The following RBFOX1 variants were observed in gnomAD, a reference collection of about 807,000 sequenced individuals.
RBFOX1 encodes the protein RNA binding protein fox-1 homolog 1.
A neutral mutation model predicts 57.7 loss-of-function variants in RBFOX1; 8 were observed. The observed-to-expected ratio is 0.14, with a 90% CI of 0.08 to 0.25. The LOEUF is 0.25. RBFOX1 is among the 10% of genes least tolerant of loss of function. The pLI is 1.00. For synonymous variants in RBFOX1, 326 were observed against 222.4 expected (o/e 1.47, Z -4.15); for missense variants, 611 against 548.5 (o/e 1.11, Z -1.14).
intron 2 of RBFOX1, among the ~76,000 whole-genome samples, chr16:5,563,343 C>T (rs1341459468): frequency 6.6e-6 from 1 of 152,224 alleles, no homozygotes; most frequent in Non-Finnish European, 1.5e-5. Flanking sequence ...AACTAACTGT[C>T]TGTCCTCCAA....
chr16:7,567,965 C>T (rs999710807), intron 5 of RBFOX1, among the ~76,000 whole-genome samples: 7 of 150,686 alleles, frequency 4.6e-5, no homozygotes, highest in African/African-American at 1.7e-4. Flanking sequence ...CAGTATTGCC[C>T]AAGAAAAAAC....
chr16:5,397,398 G>T (rs1212500956), intron 1 of RBFOX1, among the ~76,000 whole-genome samples: 2 of 152,280 alleles, frequency 1.3e-5, no homozygotes, highest in African/African-American at 4.8e-5. Flanking sequence ...CAGCCACCTG[G>T]CAGGTGCTCT....
At chr16:6,991,780 G>C (rs1000884565) in intron 3 of RBFOX1, among the ~76,000 whole-genome samples, 1 of 152,140 alleles carries the variant, frequency 6.6e-6, no homozygotes, top group Non-Finnish European at 1.5e-5. Context: ...CAAGCAATCT[G>C]CCTGCTTAGG....
At chr16:7,652,446 C>A (rs2065269551) in intron 11 of RBFOX1, among the ~76,000 whole-genome samples, 1 of 152,218 alleles carries the variant, frequency 6.6e-6, no homozygotes, top group African/African-American at 2.4e-5. Context: ...CTTGCTGTGT[C>A]ACTCAGGCTG....
At chr16:6,299,783 A>G (rs1029472344) in intron 1 of RBFOX1, among the ~76,000 whole-genome samples, 4 of 152,238 alleles carry the variant, frequency 2.6e-5, no homozygotes, top group African/African-American at 7.2e-5. Flanking sequence ...CCTTATCACT[A>G]AGGGATCTTT....
At chr16:7,596,448 C>A (rs73488669) in intron 8 of RBFOX1, among the ~76,000 whole-genome samples, 13,270 of 151,832 alleles carry the variant, frequency 0.087, 703 homozygotes, top group South Asian at 0.27. Flanking sequence ...TCCCCTTCGA[C>A]GATAACGCTT....
chr16:5,566,652 GTGTATATA>G (rs942057932), intron 2 of RBFOX1, among the ~76,000 whole-genome samples: 6 of 133,834 alleles, frequency 4.5e-5, no homozygotes, highest in Admixed American at 4.1e-4. Context: ...GTGTATATAT[GTGTATATA>G]TGTATATGTG....
intron 2 of RBFOX1, among the ~76,000 whole-genome samples, chr16:6,531,442 C>G (rs764573095): frequency 2.6e-5 from 4 of 152,140 alleles, no homozygotes; most frequent in African/African-American, 4.8e-5. Context: ...TTCCTAAGAC[C>G]TATGGATGTC....
At chr16:7,425,762 C>G (rs1302539067) in intron 4 of RBFOX1, among the ~76,000 whole-genome samples, 3 of 152,198 alleles carry the variant, frequency 2.0e-5, no homozygotes, top group Non-Finnish European at 4.4e-5. Flanking sequence ...CAAATCCTCC[C>G]TTGAACTGGG....
intron 4 of RBFOX1, among the ~76,000 whole-genome samples, chr16:5,903,343 G>C (rs1446467596): frequency 1.3e-5 from 2 of 152,114 alleles, no homozygotes; most frequent in Non-Finnish European, 2.9e-5. Context: ...TGTCCTCTGA[G>C]AAGTCATGCG....
intron 2 of RBFOX1, among the ~76,000 whole-genome samples, chr16:6,464,368 C>T (rs921507220): frequency 3.7e-4 from 57 of 152,110 alleles, no homozygotes; most frequent in African/African-American, 1.3e-3. Flanking sequence ...AATGAATTAA[C>T]TCCATAGCAA....
chr16:7,579,930 A>G lies in RBFOX1; in HGVS notation c.414+10A>G. The G allele has an allele frequency of 6.2e-7, 1 of 1,613,658 alleles. No individual in the cohort carries two copies. The highest frequency in any genetic ancestry group is 8.5e-7 in the Non-Finnish European group (1 of 1,179,748). ...CAGACAAATGTTTGGTGTAAGTATC[A>G]CCTTTCTTCCCAGCAGTGCCCGCTC... On this transcript the variant is annotated intron_variant, in intron 6 of 15. Transcript: ENST00000550418.
At chr16:7,028,456 T>A (rs8046957) in intron 3 of RBFOX1, among the ~76,000 whole-genome samples, 115,243 of 150,962 alleles carry the variant, frequency 0.76, 44,148 homozygotes, top group East Asian at 0.92. Flanking sequence ...GCGTGGTGGC[T>A]CATGCCTGTA....
At chr16:5,552,330 C>G (rs2045497403) in intron 2 of RBFOX1, among the ~76,000 whole-genome samples, 1 of 152,140 alleles carries the variant, frequency 6.6e-6, no homozygotes. Context: ...GTGTTTCTGC[C>G]TTATTTTTCC....
chr16:6,847,658 A>T (rs7201500), intron 3 of RBFOX1, among the ~76,000 whole-genome samples: 2 of 151,974 alleles, frequency 1.3e-5, no homozygotes, highest in African/African-American at 4.8e-5. Context: ...AGTCGACCAC[A>T]GCATAACTAC....
At chr16:7,662,664 GTC>G (rs1317863383) in intron 12 of RBFOX1, among the ~76,000 whole-genome samples, 3 of 152,206 alleles carry the variant, frequency 2.0e-5, no homozygotes, top group Non-Finnish European at 4.4e-5. Flanking sequence ...TCTGATAAGA[GTC>G]TGAAAAATGA....
At chr16:7,283,521 A>G (rs1016294978) in intron 4 of RBFOX1, among the ~76,000 whole-genome samples, 2 of 152,022 alleles carry the variant, frequency 1.3e-5, no homozygotes, top group Admixed American at 6.5e-5. Flanking sequence ...TGACACTTCC[A>G]TAACACCTCC....
chr16:6,327,135 CCA>C (rs2152800670), intron 2 of RBFOX1, among the ~76,000 whole-genome samples: 1 of 152,308 alleles, frequency 6.6e-6, no homozygotes, highest in South Asian at 2.1e-4. Context: ...CTCTGCAATC[CCA>C]GTCCAGATGT....
rs116434350 is a variant in RBFOX1 at position 7,391,594 on chromosome 16, C to G, written c.28-126553C>G. On this transcript the variant is annotated intron_variant, in intron 4 of 15. Coordinates refer to ENST00000550418, the MANE Select transcript of RBFOX1 (RefSeq NM_018723.4). Reference sequence around the variant, plus strand: ...GTACCTTTACTGTATCACTTTATAACTTCAGTACCTTCATTTGTAGCTTGC... The same window carrying G: ...GTACCTTTACTGTATCACTTTATAAGTTCAGTACCTTCATTTGTAGCTTGC... Among the ~76,000 whole-genome samples, 372 of 152,336 alleles carry G rather than the reference C, an allele frequency of 2.4e-3. 3 individuals are homozygous for G. The highest frequency in any genetic ancestry group is 0.014 in the Middle Eastern group (4 of 294).
Sources: allele counts gnomAD v4.1 joint callset (sites outside exome capture counted in the v4.1 genomes callset), GRCh38; gene constraint gnomAD v4.1.1; transcripts MANE v1.5; gene names NCBI Gene and HGNC (gene_info 2026-07-23, HGNC 2026-07-21).